RANBP17: variants seen among roughly 807,000 people sequenced by gnomAD.
RANBP17 encodes the protein ran-binding protein 17.
A neutral mutation model predicts 141.2 loss-of-function variants in RANBP17; 158 were observed. That is an observed-to-expected ratio of 1.12 (90% CI 0.98 to 1.28). The LOEUF is 1.28. Among genes scored for constraint, RANBP17 ranks in the 50% most tolerant of loss-of-function variants. RANBP17 has a pLI of 0.00. For synonymous variants in RANBP17, 430 were observed against 450.0 expected (o/e 0.96, Z 0.56); for missense variants, 1,438 against 1,290.7 (o/e 1.11, Z -1.75).
At chr5:171,036,066 T>A (rs2127625742) in intron 14 of RANBP17, among the ~76,000 whole-genome samples, 1 of 152,276 alleles carries the variant, frequency 6.6e-6, no homozygotes, top group East Asian at 1.9e-4. Flanking sequence ...CTAATTTTTG[T>A]ATTTTTACAA....
intron 25 of RANBP17, among the ~76,000 whole-genome samples, chr5:171,286,038 T>C (rs1291681573): frequency 6.6e-6 from 1 of 152,212 alleles, no homozygotes; most frequent in Admixed American, 6.5e-5. Context: ...TAGAGTAAAT[T>C]GAAACAGCAA....
chr5:171,155,104 T>TAA (rs1561711765), intron 14 of RANBP17, among the ~76,000 whole-genome samples: 1 of 127,720 alleles, frequency 7.8e-6, no homozygotes, highest in Non-Finnish European at 1.6e-5. Context: ...AATATATATA[T>TAA]ATATATATAT....
chr5:170,983,456 G>A (rs1777910781), intron 14 of RANBP17, among the ~76,000 whole-genome samples: 1 of 152,128 alleles, frequency 6.6e-6, no homozygotes, highest in Non-Finnish European at 1.5e-5. Flanking sequence ...ATAGTACCAT[G>A]GAACTTAGTT....
intron 14 of RANBP17, among the ~76,000 whole-genome samples, chr5:171,074,979 C>A (rs80128246): frequency 0.015 from 2,255 of 152,218 alleles, 26 homozygotes; most frequent in Admixed American, 0.024. Context: ...ACCCACTTTG[C>A]AGATAAGAAA....
intron 14 of RANBP17, among the ~76,000 whole-genome samples, chr5:170,996,921 G>A (rs1044887175): frequency 6.6e-6 from 1 of 152,114 alleles, no homozygotes; most frequent in Non-Finnish European, 1.5e-5. Context: ...TGTCTAGAAA[G>A]GTGATTAAAC....
rs150269748 is a variant in RANBP17, at chr5:171,188,657, C to T, written c.2038+5227C>T. Among the ~76,000 whole-genome samples the T allele has an allele frequency of 9.9e-5, 15 of 152,252 alleles. No homozygotes were observed. In the East Asian group the frequency reaches 2.7e-3, roughly 27 times the overall value. ...GGAGGAGAGTTTTTAAAACTAGGTC[C>T]GTGTCACTCACATTTTCAGAACCTG... is the stretch of plus-strand genomic sequence containing the variant. On this transcript the variant is annotated intron_variant, in intron 18 of 27. Coordinates refer to ENST00000523189, the MANE Select transcript of RANBP17 (RefSeq NM_022897.5).
chr5:170,944,508 T>C (rs367800050), intron 12 of RANBP17, among the ~76,000 whole-genome samples: 15 of 152,344 alleles, frequency 9.8e-5, no homozygotes, highest in East Asian at 7.7e-4. Flanking sequence ...CCTGAAGTGA[T>C]GTGCCTGCCT....
At chr5:170,991,787 A>G (rs1262443656) in intron 14 of RANBP17, among the ~76,000 whole-genome samples, 1 of 152,092 alleles carries the variant, frequency 6.6e-6, no homozygotes, top group African/African-American at 2.4e-5. Flanking sequence ...TCAAAAAAAC[A>G]TAGCTGCTGT....
intron 14 of RANBP17, among the ~76,000 whole-genome samples, chr5:171,090,939 C>T (rs755929286): frequency 2.0e-5 from 3 of 152,158 alleles, no homozygotes; most frequent in East Asian, 1.9e-4. Context: ...GCTGCAGGGG[C>T]GAGGCCCTCA....
intron 14 of RANBP17, among the ~76,000 whole-genome samples, chr5:171,155,896 C>A (rs569717349): frequency 7.2e-5 from 11 of 152,198 alleles, no homozygotes; most frequent in Non-Finnish European, 1.2e-4. Flanking sequence ...AAAGGCAATA[C>A]ACTACCTCAT....
chr5:170,924,341 T>TAG lies in RANBP17; in HGVS notation c.1275-15_1275-14insGA. ...CACATTCTAATGTTGTCTGCAAACTTATTCTGTGTTTGCAGAGATCACTTA... is the reference window on the plus strand; with the variant it reads ...CACATTCTAATGTTGTCTGCAAACTTAGATTCTGTGTTTGCAGAGATCACTTA... On this transcript the variant is annotated splice_polypyrimidine_tract_variant and intron_variant, in intron 11 of 27. Transcript: ENST00000523189. The TAG allele has an allele frequency of 6.6e-7, 1 of 1,521,688 alleles. No individual in the cohort carries two copies. The highest frequency in any genetic ancestry group is 9.0e-7 in the Non-Finnish European group (1 of 1,112,130). 94.3% of individuals were successfully genotyped at this position (1,521,688 alleles called of 1,614,324 possible). A position where few individuals can be genotyped will look rare whatever the true frequency, so the allele number is the denominator to read the frequency against.
At chr5:171,152,416 CAA>C (rs768140674) in intron 14 of RANBP17, among the ~76,000 whole-genome samples, 20 of 118,342 alleles carry the variant, frequency 1.7e-4, no homozygotes, top group Admixed American at 3.5e-4. Flanking sequence ...GACTCTATCT[CAA>C]AAAAAAAAAA....
At chr5:170,945,483 C>T (rs1229062558) in intron 12 of RANBP17, among the ~76,000 whole-genome samples, 1 of 152,160 alleles carries the variant, frequency 6.6e-6, no homozygotes, top group Admixed American at 6.6e-5. Context: ...GTGCTTGTCA[C>T]AACTCTATGG....
At chr5:171,262,992 G>C (rs913717641) in intron 24 of RANBP17, among the ~76,000 whole-genome samples, 2 of 152,128 alleles carry the variant, frequency 1.3e-5, no homozygotes, top group African/African-American at 4.8e-5. Context: ...TCTCTAAAAT[G>C]ATAAATGTGA....
At chr5:171,227,933 C>T (rs1011744574) in intron 22 of RANBP17, among the ~76,000 whole-genome samples, 10 of 152,140 alleles carry the variant, frequency 6.6e-5, no homozygotes, top group Non-Finnish European at 8.8e-5. Flanking sequence ...AAGCCTACTG[C>T]TCAGAAAAAG....
intron 20 of RANBP17, among the ~76,000 whole-genome samples, chr5:171,212,906 T>C (rs546002847): frequency 3.0e-3 from 463 of 152,304 alleles, no homozygotes; most frequent in Non-Finnish European, 4.9e-3. Context: ...TCTGATGGCC[T>C]TCAGCATAGA....
chr5:171,218,650 A>G (rs1341454162), intron 21 of RANBP17, among the ~76,000 whole-genome samples: 1 of 151,706 alleles, frequency 6.6e-6, no homozygotes, highest in Non-Finnish European at 1.5e-5. Flanking sequence ...CTTTAGCATT[A>G]TATAACGCCC....
intron 14 of RANBP17, among the ~76,000 whole-genome samples, chr5:171,112,165 A>G (rs954501573): frequency 9.2e-5 from 14 of 152,258 alleles, no homozygotes; most frequent in Admixed American, 7.2e-4. Context: ...TGGTGGATAC[A>G]TGGAGTCAGA....
At chr5:171,066,068 A>G (rs903152186) in intron 14 of RANBP17, among the ~76,000 whole-genome samples, 2 of 151,454 alleles carry the variant, frequency 1.3e-5, no homozygotes, top group African/African-American at 4.9e-5. Flanking sequence ...CACCATGTTG[A>G]TCAGTCTGGT....
Sources: allele counts gnomAD v4.1 joint callset (sites outside exome capture counted in the v4.1 genomes callset), GRCh38; gene constraint gnomAD v4.1.1; transcripts MANE v1.5; gene names NCBI Gene and HGNC (gene_info 2026-07-23, HGNC 2026-07-21).